DLGAP5: variants seen among roughly 807,000 people sequenced by gnomAD.
DLGAP5 encodes the protein disks large-associated protein 5.
DLGAP5 carries 90 observed loss-of-function variants against 99.6 expected under a neutral mutation model. The ratio of observed to expected loss-of-function variants is 0.90; its 90% CI spans 0.76 to 1.08. DLGAP5 has a LOEUF of 1.08. Ranked by LOEUF, DLGAP5 falls within the 50% of genes least tolerant of loss-of-function variation. The pLI, the probability that DLGAP5 is intolerant of heterozygous loss-of-function variation, is 0.00. For synonymous variants in DLGAP5, 311 were observed against 321.3 expected (o/e 0.97, Z 0.34); for missense variants, 1,036 against 983.5 (o/e 1.05, Z -0.71).
At position 55,180,732 on chromosome 14, in the gene DLGAP5, A is replaced by G. The variant is rs1266523290; in HGVS notation, c.627T>C (p.Ala209=). The change falls in exon 6 of 19, where the codon GCT becomes GCC. Residue 209 remains alanine, a synonymous_variant. Coordinates refer to ENST00000247191, the MANE Select transcript of DLGAP5 (RefSeq NM_014750.5). ...TGGGAACCTGCTTTGCTGCTTGAGT[A>G]GCTGATCGAGTCATTCTCAACGACG... The part of the protein sequence containing the change: ...MPTSLRMTRS[A]TQAAKQVPRT... 5.6e-6 allele frequency: 9 copies of G among 1,614,064 alleles called. No individual in the cohort carries two copies. Among genetic ancestry groups the G allele is most frequent in the African/African-American group, 1.3e-5 (1 of 74,926 alleles).
intron 7 of DLGAP5, among the ~76,000 whole-genome samples, chr14:55,178,609 A>C (rs1883163398): frequency 6.6e-6 from 1 of 152,244 alleles, no homozygotes; most frequent in South Asian, 2.1e-4. Flanking sequence ...GATAATCCTT[A>C]AGGGTTAATC....
intron 7 of DLGAP5, among the ~76,000 whole-genome samples, chr14:55,179,048 AAAAAT>A (rs1594680814): frequency 1.3e-5 from 2 of 152,308 alleles, no homozygotes; most frequent in Admixed American, 6.5e-5. Context: ...CTCTGTCTCA[AAAAAT>A]AAAATAAAAG....
chr14:55,151,343 TA>T (rs59934475), intron 17 of DLGAP5, among the ~76,000 whole-genome samples: 2 of 150,692 alleles, frequency 1.3e-5, no homozygotes, highest in African/African-American at 4.9e-5. Context: ...AAAGGACAAC[TA>T]AAAAAAAAGC....
At chr14:55,165,390 G>A (rs902010237) in intron 12 of DLGAP5, among the ~76,000 whole-genome samples, 47 of 152,274 alleles carry the variant, frequency 3.1e-4, no homozygotes, top group African/African-American at 9.6e-4. Flanking sequence ...AGTCGTGGTG[G>A]CACATGCCTG....
In DLGAP5 at chr14:55,169,460, C is replaced by G. The variant is rs143412953; in HGVS notation, c.1487G>C (p.Arg496Pro). The change falls in exon 12 of 19, where the codon CGA becomes CCA. Residue 496 changes from arginine to proline, a missense_variant. Coordinates refer to ENST00000247191, the MANE Select transcript of DLGAP5 (RefSeq NM_014750.5). Reference sequence around the variant, plus strand: ...TGTACAGGTAGTCTCCTTTATACCTCGTTTATATTCACAATCATCAACCAG... The same window carrying G: ...TGTACAGGTAGTCTCCTTTATACCTGGTTTATATTCACAATCATCAACCAG... ...EGLVDDCEYKRGIKETTCTDL... is the reference protein window; with the variant it reads ...EGLVDDCEYKPGIKETTCTDL... 52 of 1,612,904 alleles carry G rather than the reference C, an allele frequency of 3.2e-5. No individual in the cohort carries two copies. The highest frequency in any genetic ancestry group is 1.0e-4 in the Admixed American group (6 of 59,778).
intron 7 of DLGAP5, among the ~76,000 whole-genome samples, chr14:55,178,962 A>G (rs1883180595): frequency 1.3e-5 from 2 of 152,028 alleles, no homozygotes; most frequent in African/African-American, 4.8e-5. Flanking sequence ...CAGGAGAATC[A>G]CTTGAACCCG....
chr14:55,149,443 A>G (rs1172474032), intron 18 of DLGAP5, among the ~76,000 whole-genome samples: 1 of 152,170 alleles, frequency 6.6e-6, no homozygotes, highest in Non-Finnish European at 1.5e-5. Flanking sequence ...ACCACAAAAA[A>G]GGCAGCTTTG....
chr14:55,186,179 G>A (rs1006669483), intron 2 of DLGAP5, among the ~76,000 whole-genome samples: 1 of 152,182 alleles, frequency 6.6e-6, no homozygotes. Flanking sequence ...GCTGAGGCAG[G>A]AGAATCACTT....
Position 55,169,571 on chromosome 14 carries a change from A to C in DLGAP5, c.1388-12T>G. On this transcript the variant is annotated splice_polypyrimidine_tract_variant and intron_variant, in intron 11 of 18. Transcript: ENST00000247191. ...AATAAGATCTTTAGCTGAAGGAAAT[A>C]AGAGATTTTTTAAAATTAAAGGACA... The C allele has an allele frequency of 1.3e-6, 2 of 1,575,880 alleles. No homozygotes were observed. Among genetic ancestry groups the C allele is most frequent in the South Asian group, 2.4e-5 (2 of 84,466 alleles).
chr14:55,173,601 CTCTATA>C (rs1311008211), intron 10 of DLGAP5, among the ~76,000 whole-genome samples: 55 of 142,612 alleles, frequency 3.9e-4, no homozygotes, highest in African/African-American at 1.7e-3. Context: ...CTCTCTCTCT[CTCTATA>C]TATATATATA....
At chr14:55,155,906 G>A (rs1448310600) in intron 14 of DLGAP5, among the ~76,000 whole-genome samples, 1 of 151,414 alleles carries the variant, frequency 6.6e-6, no homozygotes, top group African/African-American at 2.4e-5. Flanking sequence ...GGCTAACATG[G>A]TAAAACCCCG....
chr14:55,185,808 C>T (rs1399388180), intron 2 of DLGAP5, among the ~76,000 whole-genome samples: 1 of 152,236 alleles, frequency 6.6e-6, no homozygotes, highest in Non-Finnish European at 1.5e-5. Flanking sequence ...TTTACATTCC[C>T]TCTCTTTTCA....
chr14:55,185,689 G>A (rs1408082688), intron 2 of DLGAP5, among the ~76,000 whole-genome samples: 1 of 151,894 alleles, frequency 6.6e-6, no homozygotes, highest in Non-Finnish European at 1.5e-5. Context: ...TCACCATGTT[G>A]GACAGGCTGG....
At chr14:55,162,260 T>A (rs1594668221) in intron 13 of DLGAP5, among the ~76,000 whole-genome samples, 1 of 152,340 alleles carries the variant, frequency 6.6e-6, no homozygotes, top group East Asian at 1.9e-4. Context: ...TGACACATAC[T>A]AAGCATTATA....
Position 55,181,200 on chromosome 14 carries a change from C to T in DLGAP5, c.580+13G>A. Reference sequence around the variant, plus strand: ...AGCCTCAGAGGATTTATAGTAATTGCTAATATTCCTACCTTTTTTCTCTTT... The same window carrying T: ...AGCCTCAGAGGATTTATAGTAATTGTTAATATTCCTACCTTTTTTCTCTTT... On this transcript the variant is annotated intron_variant, in intron 5 of 18. Transcript: ENST00000247191. 1 of 1,610,694 alleles carries T rather than the reference C, an allele frequency of 6.2e-7. No homozygotes were observed. Among genetic ancestry groups the T allele is most frequent in the Non-Finnish European group, 8.5e-7 (1 of 1,178,078 alleles).
At chr14:55,164,937 A>AAAG (rs371578269) in intron 12 of DLGAP5, among the ~76,000 whole-genome samples, 4,402 of 141,794 alleles carry the variant, frequency 0.031, 351 homozygotes, top group African/African-American at 0.095. Flanking sequence ...AAAAAAAAAA[A>AAAG]GAGAAATTTG....
intron 9 of DLGAP5, 40 bp downstream of exon 9, chr14:55,175,854 C>CA (rs1883042640): frequency 6.8e-7 from 1 of 1,468,008 alleles, no homozygotes; most frequent in Non-Finnish European, 9.1e-7. Flanking sequence ...TTTGTATTAA[C>CA]ATTATTCTAA....
chr14:55,180,664 G>A lies in DLGAP5; in HGVS notation c.695C>T (p.Ala232Val). The A allele has an allele frequency of 6.2e-7, 1 of 1,614,196 alleles. No homozygotes were observed. The highest frequency in any genetic ancestry group is 8.5e-7 in the Non-Finnish European group (1 of 1,180,016). ...CAAGGAATAGTTCTCACCATTAGCA[G>A]CTCTTGTGACTGGCTTTCTTGCTGT... ...STTARKPVTR[A>V]ANENEPEGKV... is the part of the protein sequence containing the mutation. The change falls in exon 6 of 19, where the codon GCT (alanine) becomes GTT (valine). Residue 232 changes from alanine to valine, a missense_variant. Transcript: ENST00000247191.
intron 14 of DLGAP5, among the ~76,000 whole-genome samples, chr14:55,156,072 T>C (rs1179836260): frequency 1.3e-5 from 2 of 150,290 alleles, no homozygotes; most frequent in African/African-American, 2.5e-5. Context: ...GCCTGGGCAA[T>C]AGAGTGAGAC....
Sources: allele counts gnomAD v4.1 joint callset (sites outside exome capture counted in the v4.1 genomes callset), GRCh38; gene constraint gnomAD v4.1.1; transcripts MANE v1.5; gene names NCBI Gene and HGNC (gene_info 2026-07-23, HGNC 2026-07-21).